Variants in ADAT2 observed in about 807,000 individuals in gnomAD.
ADAT2 encodes tRNA-specific adenosine-34 deaminase catalytic subunit ADAT2.
Under a neutral mutation model 25.9 loss-of-function variants are expected in ADAT2, and 26 were observed. The observed-to-expected ratio is 1.00, with a 90% CI of 0.74 to 1.39. The LOEUF is 1.39. ADAT2 is among the 40% of genes most tolerant of loss of function. The pLI is 0.00. For synonymous variants in ADAT2, 76 were observed against 86.8 expected, an observed-to-expected ratio of 0.88 and a Z score of 0.69; for missense variants, 220 against 244.8, an observed-to-expected ratio of 0.90 and a Z score of 0.68.
rs1167624507 is a variant in ADAT2, at chr6:143,442,829, T to C, written c.97-4135A>G. 6.6e-6 allele frequency among the ~76,000 whole-genome samples: 1 copy of C among 152,080 alleles called. No homozygotes were observed. The highest frequency in any genetic ancestry group is 2.4e-5 in the African/African-American group (1 of 41,404). On this transcript the variant is annotated intron_variant, in intron 1 of 5. Coordinates refer to ENST00000237283, the MANE Select transcript of ADAT2 (RefSeq NM_182503.3). The surrounding 1 kb of genome is among the most constrained non-coding windows in gnomAD (Gnocchi z 4.6). ...AGGCCAAGAAGGAAGGGTGGTCAAG[T>C]GTGTCTAATTCAGCAAGGTGGTGGC... is the stretch of plus-strand genomic sequence containing the variant.
rs1236941441 is a variant in ADAT2, at chr6:143,432,686, A to G, written c.353-75T>C. ...CGTGACAAAATCAGAGTAGGTTTAT[A>G]CCAGCCATCCTGGAGAGGAACGCTC... On this transcript the variant is annotated intron_variant, in intron 3 of 5. Coordinates refer to ENST00000237283, the MANE Select transcript of ADAT2 (RefSeq NM_182503.3). The surrounding 1 kb of genome is among the most constrained non-coding windows in gnomAD (Gnocchi z 4.4). 5 of 1,415,316 alleles carry G rather than the reference A, an allele frequency of 3.5e-6. No individual in the cohort carries two copies. The highest frequency in any genetic ancestry group is 4.6e-5 in the East Asian group (2 of 43,142). 87.7% of individuals were successfully genotyped at this position (1,415,316 alleles called of 1,614,324 possible).
rs1779023329 is a variant in ADAT2, at chr6:143,428,889, T to C, written c.460-205A>G. ...TTTCATTACTCCCAATCAACTGTTA[T>C]TAGGCATCACTCCCAATCAACTGTT... On this transcript the variant is annotated intron_variant, in intron 4 of 5. Coordinates refer to ENST00000237283, the MANE Select transcript of ADAT2 (RefSeq NM_182503.3). This position sits in a 1 kb window ranked among gnomAD's most constrained non-coding sequence, Gnocchi z 5.0. 6.6e-6 allele frequency among the ~76,000 whole-genome samples: 1 copy of C among 152,192 alleles called. No homozygotes were observed. Among genetic ancestry groups the C allele is most frequent in the South Asian group, 2.1e-4 (1 of 4,830 alleles).
chr6:143,444,894 T>C lies in ADAT2; in HGVS notation c.96+5669A>G, dbSNP rs1779557933. On this transcript the variant is annotated intron_variant, in intron 1 of 5. Transcript: ENST00000237283. The surrounding 1 kb of genome is among the most constrained non-coding windows in gnomAD (Gnocchi z 4.3). ...ACTACTATAAACTGCTTTCTAGTGA[T>C]GTCATGATAAAAGGGGGAGAGATGG... 7.8e-7 allele frequency: 1 copy of C among 1,283,540 alleles called. No individual in the cohort carries two copies. Among genetic ancestry groups the C allele is most frequent in the South Asian group, 1.3e-5 (1 of 79,082 alleles). 79.5% of individuals were successfully genotyped at this position (1,283,540 alleles called of 1,614,324 possible).
At position 143,442,906 on chromosome 6, in the gene ADAT2, T is replaced by G. The variant is rs549559874; in HGVS notation, c.97-4212A>C. On this transcript the variant is annotated intron_variant, in intron 1 of 5. Transcript: ENST00000237283. This position sits in a 1 kb window ranked among gnomAD's most constrained non-coding sequence, Gnocchi z 4.6. The stretch of plus-strand genomic sequence containing the variant: ...AACCAGTAGCTTGAACAGTGACTTA[T>G]CTAAGAGGTTAAATTTTTAACTCCA... Among the ~76,000 whole-genome samples, 2 of 152,136 alleles carry G rather than the reference T, an allele frequency of 1.3e-5. No homozygotes were observed. The highest frequency in any genetic ancestry group is 2.9e-5 in the Non-Finnish European group (2 of 68,028).
rs1284741700 is a variant in ADAT2 at position 143,428,139 on chromosome 6, C to G, written c.*324G>C. ...AGGTCCCTGGGTCTGGCCACACATT[C>G]TCTAAGAAGTCAGCACTTGCCTGGA... On this transcript the variant is annotated 3_prime_UTR_variant, in exon 6 of 6. Transcript: ENST00000237283. This position sits in a 1 kb window ranked among gnomAD's most constrained non-coding sequence, Gnocchi z 5.0. 1 of 285,942 alleles carries G rather than the reference C, an allele frequency of 3.5e-6. No individual in the cohort carries two copies. Among genetic ancestry groups the G allele is most frequent in the African/African-American group, 2.2e-5 (1 of 45,610 alleles). 17.7% of individuals were successfully genotyped at this position (285,942 alleles called of 1,614,324 possible).
rs987207022 is a variant in ADAT2 at position 143,432,711 on chromosome 6, C to T, written c.353-100G>A. On this transcript the variant is annotated intron_variant, in intron 3 of 5. Transcript: ENST00000237283. This position sits in a 1 kb window ranked among gnomAD's most constrained non-coding sequence, Gnocchi z 4.4. ...ACCAGCCATCCTGGAGAGGAACGCT[C>T]ATGCTACTCTTCAAACCAGTGAAGC... 3 of 1,083,868 alleles carry T rather than the reference C, an allele frequency of 2.8e-6. No homozygotes were observed. Among genetic ancestry groups the T allele is most frequent in the African/African-American group, 3.1e-5 (2 of 63,788 alleles). 67.1% of individuals were successfully genotyped at this position (1,083,868 alleles called of 1,614,324 possible). A position where few individuals can be genotyped will look rare whatever the true frequency, so the allele number is the denominator to read the frequency against.
In ADAT2 at chr6:143,438,680, G is replaced by A. The variant is rs761174003; in HGVS notation, c.111C>T (p.Leu37=). The A allele has an allele frequency of 3.1e-6, 5 of 1,613,150 alleles. No homozygotes were observed. The South Asian group carries it at 4.4e-5, about 14-fold the overall frequency. ...AGCCAACAGGAACTTCAGTATTTTCGAGGGCTTCTTTGGCCTGAAACACAA... is the reference window on the plus strand; with the variant it reads ...AGCCAACAGGAACTTCAGTATTTTCAAGGGCTTCTTTGGCCTGAAACACAA... ...EEAMHMAKEA[L]ENTEVPVGCL... is the part of the protein sequence containing the mutation. The change falls in exon 2 of 6, where the codon CTC becomes CTT. Residue 37 remains leucine, a synonymous_variant. Transcript: ENST00000237283.
intron 1 of ADAT2, among the ~76,000 whole-genome samples, chr6:143,447,682 GA>G (rs948672936): frequency 6.8e-4 from 98 of 143,280 alleles, no homozygotes; most frequent in Non-Finnish European, 7.8e-4. Flanking sequence ...TTCACTTTGG[GA>G]AAAAAAAAAA....
intron 1 of ADAT2, among the ~76,000 whole-genome samples, chr6:143,439,724 G>C (rs1779403742): frequency 6.6e-6 from 1 of 152,190 alleles, no homozygotes; most frequent in Admixed American, 6.6e-5. Context: ...AAAATTTTCT[G>C]AGGTGGTGAA....
At chr6:143,430,658 C>T (rs1474279054) in intron 4 of ADAT2, among the ~76,000 whole-genome samples, 4 of 152,124 alleles carry the variant, frequency 2.6e-5, no homozygotes, top group East Asian at 1.9e-4. Context: ...CTCTGCCTCC[C>T]GGGTTCAGGC....
At position 143,425,085 on chromosome 6, in the gene ADAT2, T is replaced by C. The variant is rs1583963503; in HGVS notation, c.*3378A>G. 1 of 151,596 alleles carries C rather than the reference T, an allele frequency of 6.6e-6. No individual in the cohort carries two copies. Among genetic ancestry groups the C allele is most frequent in the African/African-American group, 2.4e-5 (1 of 41,214 alleles). 9.4% of individuals were successfully genotyped at this position (151,596 alleles called of 1,614,324 possible). On this transcript the variant is annotated 3_prime_UTR_variant, in exon 6 of 6. Transcript: ENST00000237283. ...AATCTAATCACAAGAAAATATCAAA[T>C]AAATTTAAAACAAGGACCATTCTAT... is the stretch of plus-strand genomic sequence containing the variant.
rs1226494795 is a variant in ADAT2, at chr6:143,427,360, G to A, written c.*1103C>T. ...AACTGAGGAGCAGCAGCCCCTCCAG[G>A]GCCTGGAGCTGAGCTTCTGGTGGAA... is the stretch of plus-strand genomic sequence containing the variant. On this transcript the variant is annotated 3_prime_UTR_variant, in exon 6 of 6. Transcript: ENST00000237283. 1 of 152,480 alleles carries A rather than the reference G, an allele frequency of 6.6e-6. No individual in the cohort carries two copies. Among genetic ancestry groups the A allele is most frequent in the Non-Finnish European group, 1.5e-5 (1 of 68,052 alleles). The allele number at this position is 152,480 out of a possible 1,614,324, so 9.4% of individuals were successfully genotyped here. A position where few individuals can be genotyped will look rare whatever the true frequency, so the allele number is the denominator to read the frequency against.
In ADAT2 at chr6:143,427,096, AACAC is replaced by A. The variant is rs68003531; in HGVS notation, c.*1363_*1366del. ...CCATAAAACTTTTCAAATGCAGTTAAACACACACACACACACACACACACACACA... is the reference window on the plus strand; with the variant it reads ...CCATAAAACTTTTCAAATGCAGTTAAACACACACACACACACACACACACA... On this transcript the variant is annotated 3_prime_UTR_variant, in exon 6 of 6. Coordinates refer to ENST00000237283, the MANE Select transcript of ADAT2 (RefSeq NM_182503.3). 1,133 of 140,278 alleles carry A rather than the reference AACAC, an allele frequency of 8.1e-3. 17 individuals carry two copies. The highest frequency in any genetic ancestry group is 0.025 in the African/African-American group (939 of 37,820). The allele number at this position is 140,278 out of a possible 1,614,324, so 8.7% of individuals were successfully genotyped here. A position where few individuals can be genotyped will look rare whatever the true frequency, so the allele number is the denominator to read the frequency against.
intron 4 of ADAT2, among the ~76,000 whole-genome samples, chr6:143,429,908 C>T (rs1421162680): frequency 6.6e-6 from 1 of 152,162 alleles, no homozygotes; most frequent in Non-Finnish European, 1.5e-5. Flanking sequence ...TTCCATCCAC[C>T]CTGTCCCGTC....
chr6:143,424,147 C>T lies in ADAT2; in HGVS notation c.*4316G>A, dbSNP rs1045756103. 7.2e-5 allele frequency: 11 copies of T among 152,204 alleles called. No individual in the cohort carries two copies. The highest frequency in any genetic ancestry group is 2.7e-4 in the African/African-American group (11 of 41,454). The allele number at this position is 152,204 out of a possible 1,614,324, so 9.4% of individuals were successfully genotyped here. A position where few individuals can be genotyped will look rare whatever the true frequency, so the allele number is the denominator to read the frequency against. ...CCAGTCTAATCCATAAAAATCACGT[C>T]GCCCATCGCTCCTTTCCTCACTACA... On this transcript the variant is annotated 3_prime_UTR_variant, in exon 6 of 6. Coordinates refer to ENST00000237283, the MANE Select transcript of ADAT2 (RefSeq NM_182503.3). The surrounding 1 kb of genome is among the most constrained non-coding windows in gnomAD (Gnocchi z 4.8).
At position 143,438,699 on chromosome 6, in the gene ADAT2, A is replaced by G; in HGVS notation, c.97-5T>C. The G allele has an allele frequency of 1.2e-6, 2 of 1,610,998 alleles. No homozygotes were observed. Among genetic ancestry groups the G allele is most frequent in the Non-Finnish European group, 1.7e-6 (2 of 1,177,256 alleles). ...ATTTTCGAGGGCTTCTTTGGCCTGA[A>G]ACACAAAGTGGAAAATGTAAGACGT... On this transcript the variant is annotated splice_polypyrimidine_tract_variant and splice_region_variant and intron_variant, in intron 1 of 5. Transcript: ENST00000237283.
intron 1 of ADAT2, among the ~76,000 whole-genome samples, chr6:143,448,216 A>G (rs935870993): frequency 5.3e-5 from 8 of 152,064 alleles, no homozygotes; most frequent in African/African-American, 1.7e-4. Flanking sequence ...ACACTTGGAC[A>G]CAGGGTGGGG....
At chr6:143,450,034 T>C (rs1179449293) in intron 1 of ADAT2, 1 of 152,654 alleles carries the variant, frequency 6.6e-6, no homozygotes, top group Non-Finnish European at 1.5e-5. Context: ...AGAAGCTCGC[T>C]AGCACACAGC....
At position 143,425,610 on chromosome 6, in the gene ADAT2, A is replaced by T. The variant is rs1039864055; in HGVS notation, c.*2853T>A. 2 of 152,100 alleles carry T rather than the reference A, an allele frequency of 1.3e-5. No homozygotes were observed. The highest frequency in any genetic ancestry group is 4.8e-5 in the African/African-American group (2 of 41,380). 9.4% of individuals were successfully genotyped at this position (152,100 alleles called of 1,614,324 possible). On this transcript the variant is annotated 3_prime_UTR_variant, in exon 6 of 6. Transcript: ENST00000237283. ...TAGTGGGAGAACTTCTTTACAGGACATTATTGGGTCAGCTGACAAAACTGT... is the reference window on the plus strand; with the variant it reads ...TAGTGGGAGAACTTCTTTACAGGACTTTATTGGGTCAGCTGACAAAACTGT...
Sources: gnomAD v4.1 joint callset for allele counts (sites outside exome capture counted in the v4.1 genomes callset) on GRCh38, gnomAD v4.1.1 for gene constraint, Gnocchi (gnomAD v3.1) non-coding constraint, MANE v1.5 for transcripts, NCBI Gene and HGNC (gene_info 2026-07-23, HGNC 2026-07-21) for gene names.